PACSIN1: variants seen among roughly 807,000 people sequenced by gnomAD.
PACSIN1 encodes protein kinase C and casein kinase substrate in neurons protein 1.
A neutral mutation model predicts 59.5 loss-of-function variants in PACSIN1; 15 were observed. The ratio of observed to expected loss-of-function variants is 0.25; its 90% CI spans 0.17 to 0.39. The LOEUF is 0.39. PACSIN1 is among the 10% of genes least tolerant of loss of function. The pLI is 1.00. For missense variants in PACSIN1, 420 were observed against 580.2 expected (o/e 0.72, Z 2.84); for synonymous variants, 210 against 220.6 (o/e 0.95, Z 0.42).
At chr6:34,482,690 T>G (rs908766630) in intron 1 of PACSIN1, among the ~76,000 whole-genome samples, 2 of 150,072 alleles carry the variant, frequency 1.3e-5, no homozygotes, top group East Asian at 2.1e-4. Flanking sequence ...TTTTGTTTTT[T>G]TTTTTTTGAG....
intron 1 of PACSIN1, among the ~76,000 whole-genome samples, chr6:34,498,613 C>T (rs2127256924): frequency 6.6e-6 from 1 of 151,926 alleles, no homozygotes; most frequent in East Asian, 1.9e-4. Flanking sequence ...GTCTGGGCAA[C>T]ATGGCAAAAC....
chr6:34,500,228 T>C (rs764044932), intron 1 of PACSIN1, among the ~76,000 whole-genome samples: 18 of 152,332 alleles, frequency 1.2e-4, no homozygotes, highest in African/African-American at 3.4e-4. Flanking sequence ...ATGATGGCCA[T>C]TATAAAAACA....
intron 1 of PACSIN1, among the ~76,000 whole-genome samples, chr6:34,473,234 G>T (rs1766596236): frequency 7.9e-6 from 1 of 127,326 alleles, no homozygotes; most frequent in Non-Finnish European, 1.6e-5. Context: ...CGGGGGGCGG[G>T]GGGGTACATT....
intron 1 of PACSIN1, among the ~76,000 whole-genome samples, chr6:34,478,632 A>AAGTG (rs1395047859): frequency 5.9e-5 from 9 of 152,096 alleles, no homozygotes; most frequent in African/African-American, 1.9e-4. Flanking sequence ...CGGCCTCCCG[A>AAGTG]AGTGCTGGGA....
intron 4 of PACSIN1, 77 bp downstream of exon 4, chr6:34,528,954 C>A: frequency 1.7e-6 from 2 of 1,151,836 alleles, no homozygotes; most frequent in Non-Finnish European, 2.5e-6. Flanking sequence ...GGGAGGGCAT[C>A]TATGGATGGG....
intron 1 of PACSIN1, among the ~76,000 whole-genome samples, chr6:34,495,835 C>T (rs952197352): frequency 6.6e-6 from 1 of 152,202 alleles, no homozygotes; most frequent in African/African-American, 2.4e-5. Flanking sequence ...GTTGTGTTTC[C>T]ATCTCCCCCG....
At chr6:34,520,654 A>G (rs755705574) in intron 1 of PACSIN1, among the ~76,000 whole-genome samples, 1 of 152,202 alleles carries the variant, frequency 6.6e-6, no homozygotes, top group Non-Finnish European at 1.5e-5. Flanking sequence ...GGCACACAGT[A>G]GGCGCTCAAA....
chr6:34,475,256 C>T (rs1766622839), intron 1 of PACSIN1, among the ~76,000 whole-genome samples: 1 of 152,100 alleles, frequency 6.6e-6, no homozygotes, highest in African/African-American at 2.4e-5. Context: ...GAGCTGACCG[C>T]CTCCTCCTCT....
rs574046495 is a variant in PACSIN1, at chr6:34,516,726, A to T, written c.-63-9517A>T. 6.6e-6 allele frequency among the ~76,000 whole-genome samples: 1 copy of T among 152,178 alleles called. No homozygotes were observed. The highest frequency in any genetic ancestry group is 1.9e-4 in the East Asian group (1 of 5,160). The stretch of plus-strand genomic sequence containing the variant: ...CCCCTCCCTGTCAGGTTGCTGCTTC[A>T]CAGGTTGGCTCGGGGCTGCCAGGAT... On this transcript the variant is annotated intron_variant, in intron 1 of 9. Transcript: ENST00000244458. This position sits in a 1 kb window ranked among gnomAD's most constrained non-coding sequence, Gnocchi z 5.4.
intron 1 of PACSIN1, among the ~76,000 whole-genome samples, chr6:34,517,213 C>T (rs1377845926): frequency 6.6e-6 from 1 of 152,186 alleles, no homozygotes; most frequent in Non-Finnish European, 1.5e-5. Context: ...GGCTGGAATG[C>T]CACAGCACTT....
At chr6:34,485,882 G>C (rs1488027154) in intron 1 of PACSIN1, among the ~76,000 whole-genome samples, 1 of 152,194 alleles carries the variant, frequency 6.6e-6, no homozygotes, top group Non-Finnish European at 1.5e-5. Flanking sequence ...AGGGCCAGAG[G>C]CCAACTGGAA....
chr6:34,468,698 C>T (rs1009014877), intron 1 of PACSIN1, among the ~76,000 whole-genome samples: 1 of 152,192 alleles, frequency 6.6e-6, no homozygotes, highest in Non-Finnish European at 1.5e-5. Flanking sequence ...CTCCTTTTTC[C>T]TCCAGAAGCT....
chr6:34,481,938 A>G (rs1382268467), intron 1 of PACSIN1, among the ~76,000 whole-genome samples: 3 of 152,218 alleles, frequency 2.0e-5, no homozygotes, highest in African/African-American at 7.2e-5. Context: ...ATCCATTAAC[A>G]GCTACTTCCC....
chr6:34,471,588 A>G (rs1239045945), intron 1 of PACSIN1, among the ~76,000 whole-genome samples: 1 of 152,146 alleles, frequency 6.6e-6, no homozygotes, highest in Non-Finnish European at 1.5e-5. Context: ...AATAGGGGTA[A>G]TCCATTTGAG....
intron 1 of PACSIN1, among the ~76,000 whole-genome samples, chr6:34,494,166 A>G (rs1358531538): frequency 6.6e-6 from 1 of 151,924 alleles, no homozygotes; most frequent in South Asian, 2.1e-4. Context: ...GGCCTATCTT[A>G]CCCTCCCCTT....
chr6:34,519,729 C>T (rs1457693135), intron 1 of PACSIN1, among the ~76,000 whole-genome samples: 2 of 152,082 alleles, frequency 1.3e-5, no homozygotes, highest in Non-Finnish European at 2.9e-5. Flanking sequence ...GGTGCTATCC[C>T]ATGGGGTAGG....
chr6:34,488,651 TAG>T lies in PACSIN1; in HGVS notation c.-64+22384_-64+22385del, dbSNP rs1766827719. Among the ~76,000 whole-genome samples the T allele has an allele frequency of 6.6e-6, 1 of 152,182 alleles. No homozygotes were observed. The highest frequency in any genetic ancestry group is 2.1e-4 in the South Asian group (1 of 4,828). ...GGACTCAGCACCATACAGTAGTCAT[TAG>T]AGTGTGTGCCATGTTCCAGAAGACA... On this transcript the variant is annotated intron_variant, in intron 1 of 9. Coordinates refer to ENST00000244458, the MANE Select transcript of PACSIN1 (RefSeq NM_020804.5). The surrounding 1 kb of genome is among the most constrained non-coding windows in gnomAD (Gnocchi z 4.7).
intron 1 of PACSIN1, among the ~76,000 whole-genome samples, chr6:34,513,831 C>T (rs759582416): frequency 1.1e-4 from 16 of 152,176 alleles, no homozygotes; most frequent in East Asian, 1.9e-4. Flanking sequence ...CCAGGTGGGG[C>T]GGAGCAGACA....
At position 34,529,387 on chromosome 6, in the gene PACSIN1, C is replaced by T. The variant is rs751716679; in HGVS notation, c.457-10C>T. On this transcript the variant is annotated splice_polypyrimidine_tract_variant and intron_variant, in intron 4 of 9. Coordinates refer to ENST00000244458, the MANE Select transcript of PACSIN1 (RefSeq NM_020804.5). This position sits in a 1 kb window ranked among gnomAD's most constrained non-coding sequence, Gnocchi z 6.3. ...TGAAAACCCTACTCCCTATTCCCCCCTCCCCACAGCTGGAGGCAGCCAAGA... is the reference window on the plus strand; with the variant it reads ...TGAAAACCCTACTCCCTATTCCCCCTTCCCCACAGCTGGAGGCAGCCAAGA... The T allele has an allele frequency of 6.4e-5, 104 of 1,613,974 alleles. No homozygotes were observed. The highest frequency in any genetic ancestry group is 5.9e-6 in the Non-Finnish European group (7 of 1,180,008).
Sources: allele counts gnomAD v4.1 joint callset (sites outside exome capture counted in the v4.1 genomes callset), GRCh38; gene constraint gnomAD v4.1.1; non-coding constraint Gnocchi (gnomAD v3.1); transcripts MANE v1.5; gene names NCBI Gene and HGNC (gene_info 2026-07-23, HGNC 2026-07-21).